Variants in PCDHGA2 observed in about 807,000 individuals in gnomAD.
PCDHGA2 encodes protocadherin gamma subfamily A, 2.
Under a neutral mutation model 59.2 loss-of-function variants are expected in PCDHGA2, and 40 were observed. That is an observed-to-expected ratio of 0.68 (90% CI 0.52 to 0.88). The LOEUF is 0.88. Among genes scored for constraint, PCDHGA2 ranks in the 40% least tolerant of loss-of-function variants. PCDHGA2 has a pLI of 0.00. For missense variants in PCDHGA2, 1,226 were observed against 1,204.0 expected (o/e 1.02, Z -0.27); for synonymous variants, 560 against 526.0 (o/e 1.06, Z -0.89).
intron 3 of PCDHGA2, among the ~76,000 whole-genome samples, chr5:141,506,473 G>A (rs976701500): frequency 2.7e-4 from 40 of 150,506 alleles, no homozygotes; most frequent in Admixed American, 1.5e-3. Flanking sequence ...AAAGAGCACA[G>A]GCTTTAGAGG....
At chr5:141,408,914 A>C in intron 1 of PCDHGA2, 1 of 1,613,446 alleles carries the variant, frequency 6.2e-7, no homozygotes, top group Non-Finnish European at 8.5e-7. Context: ...TACCAATGAT[A>C]ACCCCCCGGT....
In PCDHGA2 at chr5:141,477,891, G is replaced by T. The variant is rs750359063; in HGVS notation, c.2425-16916G>T. 10 of 1,614,066 alleles carry T rather than the reference G, an allele frequency of 6.2e-6. No individual in the cohort carries two copies. The African/African-American group carries it at 1.2e-4, about 19-fold the overall frequency. ...ACCTCAGCTGGCCACCTAGTGTCAC[G>T]GGTGGTAGGCTGGGACGCGGATGCA... is the stretch of plus-strand genomic sequence containing the variant. On this transcript the variant is annotated intron_variant, in intron 1 of 3. Coordinates refer to ENST00000394576, the MANE Select transcript of PCDHGA2 (RefSeq NM_018915.4). This position sits in a 1 kb window ranked among gnomAD's most constrained non-coding sequence, Gnocchi z 4.9.
chr5:141,385,212 C>T, intron 1 of PCDHGA2: 1 of 1,614,230 alleles, frequency 6.2e-7, no homozygotes, highest in Non-Finnish European at 8.5e-7. Context: ...TGATCTTCCC[C>T]CAGCCCAACT....
chr5:141,344,123 G>C, intron 1 of PCDHGA2: 22 of 1,614,050 alleles, frequency 1.4e-5, no homozygotes, highest in Non-Finnish European at 1.8e-5. Flanking sequence ...GATCCGGTCA[G>C]ATCCGCTACT....
chr5:141,403,476 A>G lies in PCDHGA2; in HGVS notation c.2424+62081A>G, dbSNP rs1258805283. The G allele has an allele frequency of 5.6e-6, 9 of 1,613,972 alleles. No homozygotes were observed. In the Admixed American group the frequency reaches 8.3e-5, roughly 15 times the overall value. On this transcript the variant is annotated intron_variant, in intron 1 of 3. Coordinates refer to ENST00000394576, the MANE Select transcript of PCDHGA2 (RefSeq NM_018915.4). ...CTCCAGAGCTACCAGCTCAGCCCCA[A>G]TCACCACTTCTCCCTGAACGTGCAG...
chr5:141,390,373 AT>A, intron 1 of PCDHGA2: 1 of 1,481,206 alleles, frequency 6.8e-7, no homozygotes, highest in Non-Finnish European at 9.2e-7. Flanking sequence ...AAAATATATA[AT>A]TTTTAGATGT....
At chr5:141,504,634 AG>A (rs2099839600) in intron 2 of PCDHGA2, among the ~76,000 whole-genome samples, 1 of 115,756 alleles carries the variant, frequency 8.6e-6, no homozygotes, top group Non-Finnish European at 1.7e-5. Context: ...ACCTTGGAAA[AG>A]GTTTGATGAT....
At chr5:141,350,112 G>A (rs1012819239) in intron 1 of PCDHGA2, 12 of 553,854 alleles carry the variant, frequency 2.2e-5, no homozygotes, top group African/African-American at 1.9e-5. Context: ...TTCCTGCTTT[G>A]TCCGGTGCAC....
intron 1 of PCDHGA2, chr5:141,414,147 A>G: frequency 6.3e-7 from 1 of 1,599,090 alleles, no homozygotes; most frequent in Non-Finnish European, 8.5e-7. Flanking sequence ...TAGAAATACA[A>G]GCAGAAGATG....
Position 141,361,312 on chromosome 5 carries a change from A to G in PCDHGA2, c.2424+19917A>G, listed in dbSNP as rs1761969172. ...CCAAGTGTTGGGAAATGCCAAGTTTATTTTGAAATCTTCCTCAAAGAACTA... is the reference window on the plus strand; with the variant it reads ...CCAAGTGTTGGGAAATGCCAAGTTTGTTTTGAAATCTTCCTCAAAGAACTA... On this transcript the variant is annotated intron_variant, in intron 1 of 3. Coordinates refer to ENST00000394576, the MANE Select transcript of PCDHGA2 (RefSeq NM_018915.4). 5.0e-6 allele frequency: 8 copies of G among 1,613,984 alleles called. No individual in the cohort carries two copies. In the South Asian group the frequency reaches 7.7e-5, roughly 16 times the overall value.
intron 1 of PCDHGA2, among the ~76,000 whole-genome samples, chr5:141,474,263 A>C (rs964712807): frequency 6.6e-6 from 1 of 152,188 alleles, no homozygotes; most frequent in Non-Finnish European, 1.5e-5. Context: ...CTGATAAACC[A>C]GTGTATCTCT....
intron 1 of PCDHGA2, chr5:141,344,346 A>G (rs1238519513): frequency 6.2e-7 from 1 of 1,613,952 alleles, no homozygotes; most frequent in Admixed American, 1.7e-5. Flanking sequence ...GTGTCTGGTA[A>G]AAATTAACAT....
chr5:141,384,352 G>T, intron 1 of PCDHGA2: 1 of 1,613,842 alleles, frequency 6.2e-7, no homozygotes, highest in Non-Finnish European at 8.5e-7. Flanking sequence ...TGAGGATAAT[G>T]CCCAGATCAC....
chr5:141,468,680 C>T (rs1176643092), intron 1 of PCDHGA2: 1 of 151,074 alleles, frequency 6.6e-6, no homozygotes, highest in Non-Finnish European at 1.5e-5. Flanking sequence ...TCCTGGCTAA[C>T]ACGGTGAAAC....
At position 141,490,551 on chromosome 5, in the gene PCDHGA2, T is replaced by A; in HGVS notation, c.2425-4256T>A. On this transcript the variant is annotated intron_variant, in intron 1 of 3. Coordinates refer to ENST00000394576, the MANE Select transcript of PCDHGA2 (RefSeq NM_018915.4). This position sits in a 1 kb window ranked among gnomAD's most constrained non-coding sequence, Gnocchi z 5.4. ...CTGGTTCACCTTCCCTACACAAACA[T>A]CTCACCATCAGGCTCAACATTTCAG... is the stretch of plus-strand genomic sequence containing the variant. 1 of 1,614,088 alleles carries A rather than the reference T, an allele frequency of 6.2e-7. No individual in the cohort carries two copies. Among genetic ancestry groups the A allele is most frequent in the East Asian group, 2.2e-5 (1 of 44,874 alleles).
chr5:141,427,547 T>C (rs747558888), intron 1 of PCDHGA2: 1 of 640,310 alleles, frequency 1.6e-6, no homozygotes, highest in South Asian at 1.5e-5. Flanking sequence ...TCACCATCAC[T>C]GCCACTGACA....
Position 141,489,179 on chromosome 5 carries a change from C to T in PCDHGA2, c.2425-5628C>T. ...AGACTTCAGCTGCTGCATTCCAAGC[C>T]CTGGGTCTACCTTGGAGACAGGACA... On this transcript the variant is annotated intron_variant, in intron 1 of 3. Coordinates refer to ENST00000394576, the MANE Select transcript of PCDHGA2 (RefSeq NM_018915.4). The surrounding 1 kb of genome is among the most constrained non-coding windows in gnomAD (Gnocchi z 4.5). The T allele has an allele frequency of 8.0e-7, 1 of 1,243,186 alleles. No individual in the cohort carries two copies. The highest frequency in any genetic ancestry group is 1.1e-6 in the Non-Finnish European group (1 of 890,032). The allele number at this position is 1,243,186 out of a possible 1,614,324, so 77.0% of individuals were successfully genotyped here. A position where few individuals can be genotyped will look rare whatever the true frequency, so the allele number is the denominator to read the frequency against.
intron 1 of PCDHGA2, chr5:141,400,486 CT>C: frequency 1.2e-6 from 2 of 1,614,034 alleles, no homozygotes; most frequent in African/African-American, 1.3e-5. Context: ...CTTATTTCCA[CT>C]TTGTAATTCC....
intron 1 of PCDHGA2, among the ~76,000 whole-genome samples, chr5:141,429,664 ATTATT>A (rs2097234085): frequency 6.6e-6 from 1 of 152,214 alleles, no homozygotes; most frequent in Non-Finnish European, 1.5e-5. Context: ...TTTAAAATAT[ATTATT>A]TTATTTTATG....
Sources: gnomAD v4.1 joint callset for allele counts (sites outside exome capture counted in the v4.1 genomes callset) on GRCh38, gnomAD v4.1.1 for gene constraint, Gnocchi (gnomAD v3.1) non-coding constraint, MANE v1.5 for transcripts, NCBI Gene and HGNC (gene_info 2026-07-23, HGNC 2026-07-21) for gene names.